The following CEP295NL variants were observed in gnomAD, a reference collection of about 807,000 sequenced individuals.
CEP295NL encodes the protein CEP295 N-terminal like.
CEP295NL carries 3 observed loss-of-function variants against 4.6 expected under a neutral mutation model. The observed-to-expected ratio is 0.65, with a 90% CI of 0.30 to 1.69. CEP295NL has a LOEUF of 1.69. CEP295NL is among the 40% of genes most tolerant of loss of function. The pLI, the probability that CEP295NL is intolerant of heterozygous loss-of-function variation, is 0.10. For missense variants in CEP295NL, 719 were observed against 769.0 expected (o/e 0.93, Z 0.77); for synonymous variants, 295 against 312.2 (o/e 0.94, Z 0.58).
chr17:78,895,840 T>TCA, intron 2 of CEP295NL, among the ~76,000 whole-genome samples: 1 of 152,094 alleles, frequency 6.6e-6, no homozygotes, highest in East Asian at 1.9e-4. Flanking sequence ...GCCCCAAGGT[T>TCA]CACAGTCTAT....
chr17:78,901,450 C>T (rs1292162212), intron 2 of CEP295NL, among the ~76,000 whole-genome samples: 1 of 151,724 alleles, frequency 6.6e-6, no homozygotes, highest in Non-Finnish European at 1.5e-5. Context: ...AGGAGGAGGG[C>T]GGTAAGGACG....
chr17:78,893,375 G>C (rs73395170), intron 2 of CEP295NL, among the ~76,000 whole-genome samples: 7,754 of 139,376 alleles, frequency 0.056, 1,070 homozygotes, highest in African/African-American at 0.21. Context: ...GTGTGTAGGA[G>C]TGTGTGTGCA....
Position 78,891,724 on chromosome 17 carries a change from C to T in CEP295NL, c.780G>A (p.Val260=), listed in dbSNP as rs2069898550. 5.8e-6 allele frequency: 9 copies of T among 1,551,050 alleles called. No individual in the cohort carries two copies. The highest frequency in any genetic ancestry group is 7.0e-6 in the Non-Finnish European group (8 of 1,147,132). Residue 260 remains valine, a synonymous_variant, in exon 3 of 3, where the codon GTG becomes GTA. Coordinates refer to ENST00000322630, the MANE Select transcript of CEP295NL (RefSeq NM_001243540.2). This position sits in a 1 kb window ranked among gnomAD's most constrained non-coding sequence, Gnocchi z 4.5. ...TTTCCTCCACAAGCCCGATTTCTCC[C>T]ACAGCAGCCACGAGTGGGTTTGACC... ...LERSNPLVAA[V]GEIGLVEEKE...
intron 2 of CEP295NL, chr17:78,897,055 C>G: frequency 1.0e-6 from 1 of 959,526 alleles, no homozygotes; most frequent in African/African-American, 1.8e-5. Flanking sequence ...CAGGGACCCT[C>G]CACCCAGGCA....
At position 78,892,016 on chromosome 17, in the gene CEP295NL, G is replaced by A; in HGVS notation, c.488C>T (p.Pro163Leu). 2 of 1,550,664 alleles carry A rather than the reference G, an allele frequency of 1.3e-6. No individual in the cohort carries two copies. The highest frequency in any genetic ancestry group is 1.7e-6 in the Non-Finnish European group (2 of 1,147,008). The stretch of plus-strand genomic sequence containing the variant: ...TCTATGCTTCTCCTTGGCCCTCGGG[G>A]GCCTGGCTGATCTTCGCTGGATGGG... ...QGPIQRRSAR[P>L]PRAKEKHRAA... Residue 163 changes from proline (P) to leucine (L), a missense_variant, in exon 3 of 3, where the codon CCC (proline) becomes CTC (leucine). Pro to Leu is a moderately conservative substitution (Grantham distance 98). Coordinates refer to ENST00000322630, the MANE Select transcript of CEP295NL (RefSeq NM_001243540.2).
intron 2 of CEP295NL, among the ~76,000 whole-genome samples, chr17:78,893,622 T>A (rs954550273): frequency 6.6e-6 from 1 of 151,844 alleles, no homozygotes; most frequent in African/African-American, 2.4e-5. Flanking sequence ...TCTGTGTGCA[T>A]GTCGGTGTGT....
At chr17:78,894,485 G>T (rs1257225370) in intron 2 of CEP295NL, among the ~76,000 whole-genome samples, 6 of 152,152 alleles carry the variant, frequency 3.9e-5, no homozygotes, top group Admixed American at 1.3e-4. Flanking sequence ...GAGAGAGAAA[G>T]CTGGGCCCTT....
At chr17:78,894,637 C>T (rs2069968998) in intron 2 of CEP295NL, among the ~76,000 whole-genome samples, 1 of 152,022 alleles carries the variant, frequency 6.6e-6, no homozygotes, top group Non-Finnish European at 1.5e-5. Flanking sequence ...CCTTATCTCA[C>T]CCTATATACA....
Position 78,896,566 on chromosome 17 carries a change from A to G in CEP295NL, c.45-4107T>C, listed in dbSNP as rs1314300296. On this transcript the variant is annotated intron_variant, in intron 2 of 2. Coordinates refer to ENST00000322630, the MANE Select transcript of CEP295NL (RefSeq NM_001243540.2). The surrounding 1 kb of genome is among the most constrained non-coding windows in gnomAD (Gnocchi z 4.4). Reference sequence around the variant, plus strand: ...GCTCCTCTGTCCTCCACATCCTCTGAGTGTTCTGAGCATCCTGGGCTGCTT... The same window carrying G: ...GCTCCTCTGTCCTCCACATCCTCTGGGTGTTCTGAGCATCCTGGGCTGCTT... 4.6e-5 allele frequency among the ~76,000 whole-genome samples: 7 copies of G among 152,058 alleles called. No individual in the cohort carries two copies. Among genetic ancestry groups the G allele is most frequent in the South Asian group, 2.1e-4 (1 of 4,818 alleles).
chr17:78,891,890 T>C lies in CEP295NL; in HGVS notation c.614A>G (p.Gln205Arg). ...CATCCGACCCGTGGCTTTTGTAGTC[T>C]GTGGTTTCTCTGGACTCGCTGCTGT... ...RKTAASPEKP[Q>R]TTKATGRMNS... Residue 205 changes from glutamine (Q) to arginine (R), a missense_variant, in exon 3 of 3, where the codon CAG (glutamine) becomes CGG (arginine). Coordinates refer to ENST00000322630, the MANE Select transcript of CEP295NL (RefSeq NM_001243540.2). This position sits in a 1 kb window ranked among gnomAD's most constrained non-coding sequence, Gnocchi z 4.5. 6.4e-7 allele frequency: 1 copy of C among 1,550,656 alleles called. No homozygotes were observed. Among genetic ancestry groups the C allele is most frequent in the South Asian group, 1.2e-5 (1 of 84,066 alleles).
In CEP295NL at chr17:78,892,057, C is replaced by T. The variant is rs1427344014; in HGVS notation, c.447G>A (p.Glu149=). Residue 149 remains glutamate, a synonymous_variant, in exon 3 of 3, where the codon GAG becomes GAA. Coordinates refer to ENST00000322630, the MANE Select transcript of CEP295NL (RefSeq NM_001243540.2). ...GCTGGATGGGCCCCTGCGAGTCAGG[C>T]TCATTTTCCCTGGCCCGTCCTCCTC... is the stretch of plus-strand genomic sequence containing the variant. ...GWGGGRAREN[E]PDSQGPIQRR... 3.2e-6 allele frequency: 5 copies of T among 1,551,272 alleles called. No homozygotes were observed. The highest frequency in any genetic ancestry group is 4.9e-5 in the East Asian group (2 of 40,944).
At chr17:78,895,234 T>C (rs1211255592) in intron 2 of CEP295NL, among the ~76,000 whole-genome samples, 1 of 152,112 alleles carries the variant, frequency 6.6e-6, no homozygotes, top group Non-Finnish European at 1.5e-5. Flanking sequence ...TGAGCTGAGA[T>C]TGCACCATTG....
chr17:78,899,159 C>T (rs1270666345), intron 2 of CEP295NL: 1 of 152,584 alleles, frequency 6.6e-6, no homozygotes, highest in African/African-American at 2.4e-5. Flanking sequence ...GCTTGGAGTA[C>T]TGCGGCCCTG....
At position 78,891,864 on chromosome 17, in the gene CEP295NL, T is replaced by G; in HGVS notation, c.640A>C (p.Asn214His). Residue 214 changes from asparagine (N) to histidine (H), a missense_variant, in exon 3 of 3, where the codon AAT becomes CAT. Asn to His is a moderately conservative substitution (Grantham distance 68). Coordinates refer to ENST00000322630, the MANE Select transcript of CEP295NL (RefSeq NM_001243540.2). The surrounding 1 kb of genome is among the most constrained non-coding windows in gnomAD (Gnocchi z 4.5). Reference protein sequence around the residue: ...PQTTKATGRMNSHLAPPEKRK... With the variant: ...PQTTKATGRMHSHLAPPEKRK... ...TTCTCAGGCGGGGCCAGGTGAGAAT[T>G]CATCCGACCCGTGGCTTTTGTAGTC... is the stretch of plus-strand genomic sequence containing the variant. 1 of 1,550,674 alleles carries G rather than the reference T, an allele frequency of 6.4e-7. No individual in the cohort carries two copies. Among genetic ancestry groups the G allele is most frequent in the South Asian group, 1.2e-5 (1 of 84,056 alleles).
At position 78,890,587 on chromosome 17, in the gene CEP295NL, C is replaced by T; in HGVS notation, c.*51G>A. 1 of 1,510,028 alleles carries T rather than the reference C, an allele frequency of 6.6e-7. No individual in the cohort carries two copies. Among genetic ancestry groups the T allele is most frequent in the Non-Finnish European group, 8.9e-7 (1 of 1,121,024 alleles). 93.5% of individuals were successfully genotyped at this position (1,510,028 alleles called of 1,614,324 possible). ...GATCTTAGAGACCCGGGTACCAGTG[C>T]TGGCAGCACCATTATCAGTGATGTA... On this transcript the variant is annotated 3_prime_UTR_variant, in exon 3 of 3. Transcript: ENST00000322630.
In CEP295NL at chr17:78,892,326, C is replaced by G; in HGVS notation, c.178G>C (p.Asp60His). 6.4e-7 allele frequency: 1 copy of G among 1,550,676 alleles called. No individual in the cohort carries two copies. Residue 60 changes from aspartate to histidine, a missense_variant, in exon 3 of 3, where the codon GAT (aspartate) becomes CAT (histidine). Transcript: ENST00000322630. ...CAGAGGCTCAGCCACATGGCTCCATCCATGTTTCTGTTCCTGTCTGCGAAC... is the reference window on the plus strand; with the variant it reads ...CAGAGGCTCAGCCACATGGCTCCATGCATGTTTCTGTTCCTGTCTGCGAAC... ...AGFADRNRNM[D>H]GAMWLSLCPD...
chr17:78,892,548 T>C (rs1250455042), intron 2 of CEP295NL, 89 bp from the exon 3 acceptor site: 3 of 1,463,380 alleles, frequency 2.1e-6, no homozygotes, highest in Admixed American at 2.6e-5. Context: ...GGATTCTCAC[T>C]GTGAGGACAG....
Position 78,896,903 on chromosome 17 carries a change from G to A in CEP295NL, c.45-4444C>T, listed in dbSNP as rs1157582030. The A allele has an allele frequency of 1.4e-5, 14 of 984,670 alleles. No homozygotes were observed. Among genetic ancestry groups the A allele is most frequent in the Non-Finnish European group, 1.4e-5 (12 of 829,386 alleles). The allele number at this position is 984,670 out of a possible 1,614,324, so 61.0% of individuals were successfully genotyped here. On this transcript the variant is annotated intron_variant, in intron 2 of 2. Coordinates refer to ENST00000322630, the MANE Select transcript of CEP295NL (RefSeq NM_001243540.2). The surrounding 1 kb of genome is among the most constrained non-coding windows in gnomAD (Gnocchi z 4.4). ...ATCCGATCCCAGCACCTGGGCCCAGGAATGTGCTTGGCCACCAGATTCCCA... is the reference window on the plus strand; with the variant it reads ...ATCCGATCCCAGCACCTGGGCCCAGAAATGTGCTTGGCCACCAGATTCCCA...
In CEP295NL at chr17:78,890,744, T is replaced by A. The variant is rs899376945; in HGVS notation, c.1760A>T (p.Gln587Leu). 6.4e-6 allele frequency: 10 copies of A among 1,550,582 alleles called. No individual in the cohort carries two copies. Among genetic ancestry groups the A allele is most frequent in the Non-Finnish European group, 8.7e-6 (10 of 1,147,020 alleles). Reference sequence around the variant, plus strand: ...CTGCTGCTGCTGGTCTCGGATCATCTGACTGTGCCGGTCGTCGTCGGCGAG... The same window carrying A: ...CTGCTGCTGCTGGTCTCGGATCATCAGACTGTGCCGGTCGTCGTCGGCGAG... ...TSLADDDRHSQMIRDQQQQIL... is the reference protein window; with the variant it reads ...TSLADDDRHSLMIRDQQQQIL... Residue 587 changes from glutamine (Q) to leucine (L), a missense_variant, in exon 3 of 3, where the codon CAG (glutamine) becomes CTG (leucine). By Grantham distance (113) the Gln-to-Leu change is moderately radical. Coordinates refer to ENST00000322630, the MANE Select transcript of CEP295NL (RefSeq NM_001243540.2).
Sources: gnomAD v4.1 joint callset for allele counts (sites outside exome capture counted in the v4.1 genomes callset) on GRCh38, gnomAD v4.1.1 for gene constraint, Gnocchi (gnomAD v3.1) non-coding constraint, MANE v1.5 for transcripts, NCBI Gene and HGNC (gene_info 2026-07-23, HGNC 2026-07-21) for gene names.